Variants in CFAP299 observed in about 807,000 individuals in gnomAD.
The protein encoded by CFAP299 is cilia and flagella associated protein 299.
CFAP299 carries 21 observed loss-of-function variants against 27.0 expected under a neutral mutation model. The observed-to-expected ratio is 0.78, with a 90% CI of 0.55 to 1.12. The LOEUF (loss-of-function observed/expected upper bound fraction) is 1.12. CFAP299 is among the 50% of genes most tolerant of loss of function. The probability of loss-of-function intolerance (pLI) is 0.00; values close to 1 mark genes in which losing one functional copy is unlikely to be tolerated. For synonymous variants in CFAP299, 104 were observed against 98.1 expected (o/e 1.06, Z -0.36); for missense variants, 310 against 276.6 (o/e 1.12, Z -0.86).
At chr4:80,848,776 A>C (rs560556759) in intron 3 of CFAP299, among the ~76,000 whole-genome samples, 10 of 152,190 alleles carry the variant, frequency 6.6e-5, no homozygotes, top group Admixed American at 6.5e-4. Context: ...ACCCTGTCTC[A>C]AAAAAACAAA....
At chr4:80,610,507 G>A (rs1737910410) in intron 3 of CFAP299, among the ~76,000 whole-genome samples, 1 of 151,948 alleles carries the variant, frequency 6.6e-6, no homozygotes, top group South Asian at 2.1e-4. Context: ...TCAGGTTATA[G>A]TAATTCATAC....
chr4:80,805,222 A>T (rs1236713141), intron 3 of CFAP299, among the ~76,000 whole-genome samples: 1 of 152,070 alleles, frequency 6.6e-6, no homozygotes, highest in Non-Finnish European at 1.5e-5. Flanking sequence ...TTTGAGAATG[A>T]AATCTATTAT....
intron 3 of CFAP299, among the ~76,000 whole-genome samples, chr4:80,677,868 A>T (rs1348168384): frequency 6.6e-6 from 1 of 152,100 alleles, no homozygotes; most frequent in Non-Finnish European, 1.5e-5. Flanking sequence ...ATTTAAATAG[A>T]TAAATTCCAT....
chr4:80,726,028 T>A (rs1723141739), intron 3 of CFAP299, among the ~76,000 whole-genome samples: 2 of 152,230 alleles, frequency 1.3e-5, no homozygotes, highest in African/African-American at 4.8e-5. Context: ...TTCAATTATT[T>A]GTTTTTCTGC....
intron 3 of CFAP299, among the ~76,000 whole-genome samples, chr4:80,801,646 C>T (rs533933284): frequency 1.9e-4 from 29 of 152,106 alleles, no homozygotes; most frequent in Admixed American, 9.2e-4. Flanking sequence ...GTGAGTCAAT[C>T]GTATTCCACT....
intron 3 of CFAP299, among the ~76,000 whole-genome samples, chr4:80,667,391 A>T (rs940673792): frequency 1.3e-5 from 2 of 152,168 alleles, no homozygotes; most frequent in African/African-American, 4.8e-5. Flanking sequence ...ACAGATTATT[A>T]TAAACTATAG....
At chr4:80,923,511 G>A (rs1419451619) in intron 4 of CFAP299, among the ~76,000 whole-genome samples, 1 of 152,058 alleles carries the variant, frequency 6.6e-6, no homozygotes, top group Non-Finnish European at 1.5e-5. Context: ...CCAACTGTAT[G>A]TGTGTGTGCA....
At chr4:80,469,553 T>A (rs1729880298) in intron 2 of CFAP299, among the ~76,000 whole-genome samples, 1 of 152,164 alleles carries the variant, frequency 6.6e-6, no homozygotes, top group Admixed American at 6.6e-5. Flanking sequence ...TGACAAAAAC[T>A]AACAATATAT....
intron 3 of CFAP299, among the ~76,000 whole-genome samples, chr4:80,651,450 C>T (rs1183891631): frequency 2.0e-5 from 3 of 150,640 alleles, no homozygotes; most frequent in Non-Finnish European, 4.4e-5. Context: ...ACTGAAGTCT[C>T]GACCTCCTGG....
chr4:80,695,276 T>C (rs1721014567), intron 3 of CFAP299, among the ~76,000 whole-genome samples: 1 of 152,234 alleles, frequency 6.6e-6, no homozygotes. Flanking sequence ...ATCATTATCA[T>C]ATCTTCCAAG....
intron 5 of CFAP299, among the ~76,000 whole-genome samples, chr4:80,957,035 CAT>C (rs1738106030): frequency 6.6e-6 from 1 of 152,056 alleles, no homozygotes; most frequent in Admixed American, 6.6e-5. Flanking sequence ...AAAATAGTTA[CAT>C]ATATTTTCTT....
At position 80,905,666 on chromosome 4, in the gene CFAP299, G is replaced by C. The variant is rs371811991; in HGVS notation, c.476+35531G>C. 1.2e-4 allele frequency among the ~76,000 whole-genome samples: 19 copies of C among 152,166 alleles called. No individual in the cohort carries two copies. In the South Asian group the frequency reaches 3.7e-3, roughly 30 times the overall value. ...GGAAACTTACAAACTTGGTGGAAGG[G>C]GAAGCAAACATGTCCTTCTTCACAT... On this transcript the variant is annotated intron_variant, in intron 4 of 5. Transcript: ENST00000358105.
chr4:80,684,785 CT>C (rs926939258), intron 3 of CFAP299, among the ~76,000 whole-genome samples: 14 of 150,624 alleles, frequency 9.3e-5, no homozygotes, highest in African/African-American at 2.0e-4. Context: ...CACTGTCATG[CT>C]TTTTTTTTCA....
chr4:80,509,860 A>AT (rs113779510), intron 2 of CFAP299, among the ~76,000 whole-genome samples: 16,932 of 145,292 alleles, frequency 0.12, 1,050 homozygotes, highest in Non-Finnish European at 0.15. Flanking sequence ...CTGCTGCCAG[A>AT]TTTTTTTTTT....
intron 4 of CFAP299, among the ~76,000 whole-genome samples, chr4:80,936,533 G>A (rs181731388): frequency 2.0e-5 from 3 of 152,162 alleles, no homozygotes; most frequent in East Asian, 3.9e-4. Context: ...CACTAATGCA[G>A]GAACAGAAAA....
chr4:80,587,776 G>T (rs1341983689), intron 3 of CFAP299, among the ~76,000 whole-genome samples: 1 of 152,076 alleles, frequency 6.6e-6, no homozygotes, highest in African/African-American at 2.4e-5. Flanking sequence ...ATTATTTGTA[G>T]GGACAGGGTT....
At chr4:80,430,856 G>T (rs906652024) in intron 2 of CFAP299, among the ~76,000 whole-genome samples, 6 of 152,040 alleles carry the variant, frequency 3.9e-5, no homozygotes, top group African/African-American at 1.4e-4. Context: ...AGCTTTCTCC[G>T]CTTCAGCCAT....
chr4:80,586,000 C>T (rs1427412194), intron 3 of CFAP299, among the ~76,000 whole-genome samples: 1 of 152,020 alleles, frequency 6.6e-6, no homozygotes, highest in Admixed American at 6.6e-5. Flanking sequence ...ACATATAATC[C>T]TGGCTTTAGA....
At chr4:80,482,872 G>A (rs1280682270) in intron 2 of CFAP299, among the ~76,000 whole-genome samples, 2 of 152,168 alleles carry the variant, frequency 1.3e-5, no homozygotes, top group African/African-American at 4.8e-5. Flanking sequence ...AATATATTTA[G>A]TAGTGTATAT....
Sources: gnomAD v4.1 joint callset for allele counts (sites outside exome capture counted in the v4.1 genomes callset) on GRCh38, gnomAD v4.1.1 for gene constraint, MANE v1.5 for transcripts, NCBI Gene and HGNC (gene_info 2026-07-23, HGNC 2026-07-21) for gene names.